The following TMEM132B variants were observed in gnomAD, a reference collection of about 807,000 sequenced individuals.
TMEM132B encodes the protein transmembrane protein 132B.
TMEM132B carries 18 observed loss-of-function variants against 90.8 expected under a neutral mutation model. The observed-to-expected ratio is 0.20, with a 90% CI of 0.14 to 0.29. The LOEUF (loss-of-function observed/expected upper bound fraction) is 0.29. Ranked by LOEUF, TMEM132B falls within the 10% of genes least tolerant of loss-of-function variation. The pLI is 1.00. For synonymous variants in TMEM132B, 504 were observed against 523.3 expected (o/e 0.96, Z 0.50); for missense variants, 1,096 against 1,326.8 (o/e 0.83, Z 2.70).
intron 4 of TMEM132B, among the ~76,000 whole-genome samples, chr12:125,537,984 T>A (rs1396605554): frequency 2.0e-5 from 3 of 152,174 alleles, no homozygotes; most frequent in African/African-American, 7.2e-5. Context: ...CTCCACACTG[T>A]GCCCATCCCC....
intron 3 of TMEM132B, among the ~76,000 whole-genome samples, chr12:125,470,712 C>T (rs1881691781): frequency 6.6e-6 from 1 of 152,118 alleles, no homozygotes; most frequent in Non-Finnish European, 1.5e-5. Context: ...AGGCTGGGGA[C>T]CCAATCCAGA....
intron 3 of TMEM132B, among the ~76,000 whole-genome samples, chr12:125,423,042 A>C (rs1273140784): frequency 2.0e-5 from 3 of 152,184 alleles, no homozygotes. Context: ...TACAAAGTGC[A>C]GACAGTCCTG....
chr12:125,622,393 A>T, intron 5 of TMEM132B: 2 of 832,154 alleles, frequency 2.4e-6, no homozygotes, highest in Non-Finnish European at 2.9e-6. Context: ...TTTTAAAGTA[A>T]GAATCACAAT....
chr12:125,254,984 C>T (rs1036453217), intron 1 of TMEM132B, among the ~76,000 whole-genome samples: 3 of 152,062 alleles, frequency 2.0e-5, no homozygotes, highest in East Asian at 1.9e-4. Flanking sequence ...TGTGCCCGGC[C>T]GCCTCTTCCT....
At chr12:125,212,182 G>T (rs756241162) in intron 1 of TMEM132B, among the ~76,000 whole-genome samples, 6 of 152,142 alleles carry the variant, frequency 3.9e-5, no homozygotes, top group Non-Finnish European at 7.3e-5. Flanking sequence ...TCCTATCCCA[G>T]TGCGGAATTT....
chr12:125,368,576 G>A (rs1441391576), intron 2 of TMEM132B, among the ~76,000 whole-genome samples: 6 of 152,200 alleles, frequency 3.9e-5, no homozygotes, highest in Non-Finnish European at 8.8e-5. Context: ...CCCAGTGGGA[G>A]GCAGCAGTGG....
chr12:125,248,766 C>T (rs1874257002), intron 1 of TMEM132B, among the ~76,000 whole-genome samples: 1 of 152,212 alleles, frequency 6.6e-6, no homozygotes, highest in Admixed American at 6.5e-5. Context: ...GATGTCTGCC[C>T]AGTTGTAGTC....
intron 2 of TMEM132B, among the ~76,000 whole-genome samples, chr12:125,379,625 CT>C (rs1443280387): frequency 1.3e-5 from 2 of 152,164 alleles, no homozygotes; most frequent in African/African-American, 4.8e-5. Context: ...TGCTACTAAG[CT>C]TGTGGTGGTT....
chr12:125,494,065 T>G (rs1195996105), intron 3 of TMEM132B, among the ~76,000 whole-genome samples: 1 of 110,690 alleles, frequency 9.0e-6, no homozygotes, highest in Non-Finnish European at 1.8e-5. Context: ...TCCCTGGAAA[T>G]GGATGCGTCC....
chr12:125,307,245 A>G (rs1875994135), intron 1 of TMEM132B, among the ~76,000 whole-genome samples: 1 of 152,170 alleles, frequency 6.6e-6, no homozygotes, highest in African/African-American at 2.4e-5. Context: ...GCTCCACAAG[A>G]CCAGGGATTC....
At chr12:125,600,148 G>T (rs1353856428) in intron 5 of TMEM132B, among the ~76,000 whole-genome samples, 3 of 152,192 alleles carry the variant, frequency 2.0e-5, no homozygotes, top group African/African-American at 7.2e-5. Flanking sequence ...AACAGTGTGA[G>T]GGATGAATTG....
intron 4 of TMEM132B, among the ~76,000 whole-genome samples, chr12:125,526,087 A>G (rs1166205683): frequency 1.3e-5 from 2 of 152,184 alleles, no homozygotes; most frequent in Non-Finnish European, 2.9e-5. Context: ...CAGAGCAGAG[A>G]CAGGGTGGGA....
intron 3 of TMEM132B, among the ~76,000 whole-genome samples, chr12:125,500,814 G>A (rs922615836): frequency 6.6e-6 from 1 of 152,100 alleles, no homozygotes; most frequent in African/African-American, 2.4e-5. Context: ...TTGTTCTATG[G>A]GGTCAAGCGA....
At chr12:125,593,171 T>A (rs1309795572) in intron 5 of TMEM132B, among the ~76,000 whole-genome samples, 1 of 152,236 alleles carries the variant, frequency 6.6e-6, no homozygotes, top group Non-Finnish European at 1.5e-5. Context: ...CCTAATTTTG[T>A]CCTTCTTTAT....
chr12:125,513,327 C>T (rs1005587379), intron 3 of TMEM132B, among the ~76,000 whole-genome samples: 6 of 122,578 alleles, frequency 4.9e-5, no homozygotes, highest in Non-Finnish European at 6.6e-5. Flanking sequence ...CTTGTATGTG[C>T]GTGTGCGTGT....
intron 3 of TMEM132B, among the ~76,000 whole-genome samples, chr12:125,456,112 C>T (rs950756851): frequency 4.6e-5 from 7 of 152,158 alleles, no homozygotes; most frequent in African/African-American, 1.7e-4. Flanking sequence ...GTTTGTGACC[C>T]TTAGAGTGGA....
chr12:125,558,889 C>G (rs1373135266), intron 4 of TMEM132B, among the ~76,000 whole-genome samples: 1 of 152,158 alleles, frequency 6.6e-6, no homozygotes, highest in African/African-American at 2.4e-5. Flanking sequence ...CCAACCTCCC[C>G]TACAGAAGAA....
chr12:125,390,272 C>T (rs1379368141), intron 2 of TMEM132B, among the ~76,000 whole-genome samples: 1 of 152,228 alleles, frequency 6.6e-6, no homozygotes, highest in East Asian at 1.9e-4. Flanking sequence ...GAATAAGCCA[C>T]AGTATATTCA....
chr12:125,253,573 T>G (rs1024032180), intron 1 of TMEM132B, among the ~76,000 whole-genome samples: 5 of 151,910 alleles, frequency 3.3e-5, no homozygotes, highest in Admixed American at 2.6e-4. Context: ...TAGCTGAGAC[T>G]ACAGGTGTGT....
Sources: allele counts gnomAD v4.1 joint callset (sites outside exome capture counted in the v4.1 genomes callset), GRCh38; gene constraint gnomAD v4.1.1; transcripts MANE v1.5; gene names NCBI Gene and HGNC (gene_info 2026-07-23, HGNC 2026-07-21).